The following UBE4B variants were observed in gnomAD, a reference collection of about 807,000 sequenced individuals.
UBE4B encodes ubiquitin conjugation factor E4 B.
Under a neutral mutation model 148.1 loss-of-function variants are expected in UBE4B, and 27 were observed. That is an observed-to-expected ratio of 0.18 (90% CI 0.13 to 0.25). The LOEUF (loss-of-function observed/expected upper bound fraction) is 0.25. Ranked by LOEUF, UBE4B falls within the 10% of genes least tolerant of loss-of-function variation. UBE4B has a pLI of 1.00. For missense variants in UBE4B, 1,170 were observed against 1,662.4 expected, an observed-to-expected ratio of 0.70 and a Z score of 5.15; for synonymous variants, 596 against 619.3, an observed-to-expected ratio of 0.96 and a Z score of 0.56.
chr1:10,129,573 G>C (rs998723402), intron 12 of UBE4B, 125 bp downstream of exon 12: 1 of 827,706 alleles, frequency 1.2e-6, no homozygotes, highest in Non-Finnish European at 1.9e-6. Context: ...CGGAGGTAAC[G>C]TGTCTGGGAG....
chr1:10,066,097 C>T (rs1644383392), intron 1 of UBE4B, among the ~76,000 whole-genome samples: 2 of 147,622 alleles, frequency 1.4e-5, no homozygotes, highest in African/African-American at 2.5e-5. Flanking sequence ...ACCTCCCTCC[C>T]TTTGTACCTC....
Position 10,180,436 on chromosome 1 carries a change from C to A in UBE4B, c.*480C>A, listed in dbSNP as rs1646489474. ...TGGATTTTTTTAAGAGAAGCAAAAA[C>A]AAAAGTAAACTCCTTTCCCTGGCCC... On this transcript the variant is annotated 3_prime_UTR_variant, in exon 28 of 28. Coordinates refer to ENST00000343090, the MANE Select transcript of UBE4B (RefSeq NM_001105562.3). 1 of 154,622 alleles carries A rather than the reference C, an allele frequency of 6.5e-6. No individual in the cohort carries two copies. Among genetic ancestry groups the A allele is most frequent in the African/African-American group, 2.4e-5 (1 of 41,448 alleles). The allele number at this position is 154,622 out of a possible 1,614,324, so 9.6% of individuals were successfully genotyped here.
chr1:10,048,184 A>C (rs1389332132), intron 1 of UBE4B, among the ~76,000 whole-genome samples: 1 of 152,192 alleles, frequency 6.6e-6, no homozygotes, highest in Non-Finnish European at 1.5e-5. Context: ...CTTTTCTACC[A>C]CAGGGATACC....
chr1:10,149,130 G>T, intron 19 of UBE4B, 54 bp from the exon 20 acceptor site: 4 of 1,316,024 alleles, frequency 3.0e-6, no homozygotes, highest in South Asian at 1.4e-5. Flanking sequence ...ACTCCTTGTA[G>T]TTTGATGTAC....
Position 10,077,934 on chromosome 1 carries a change from C to T in UBE4B, c.211+5720C>T, listed in dbSNP as rs989370187. Among the ~76,000 whole-genome samples, 3 of 151,852 alleles carry T rather than the reference C, an allele frequency of 2.0e-5. No homozygotes were observed. The South Asian group carries it at 6.2e-4, about 31-fold the overall frequency. On this transcript the variant is annotated intron_variant, in intron 2 of 27. Coordinates refer to ENST00000343090, the MANE Select transcript of UBE4B (RefSeq NM_001105562.3). ...TTGTTATGTGGCACTGCTCTTGGCT[C>T]TCTTAGAACTTTATATATATGGGTG...
At chr1:10,097,433 C>T (rs1011676338) in intron 3 of UBE4B, among the ~76,000 whole-genome samples, 4 of 152,112 alleles carry the variant, frequency 2.6e-5, no homozygotes, top group Admixed American at 2.0e-4. Flanking sequence ...TCCTTCTGCT[C>T]ACTCTTATTC....
At chr1:10,055,509 G>A (rs574410608) in intron 1 of UBE4B, among the ~76,000 whole-genome samples, 1 of 151,952 alleles carries the variant, frequency 6.6e-6, no homozygotes, top group South Asian at 2.1e-4. Flanking sequence ...GTAGCGATGG[G>A]GTCTCGTTAT....
At chr1:10,128,138 G>A (rs1052164321) in intron 11 of UBE4B, among the ~76,000 whole-genome samples, 6 of 152,200 alleles carry the variant, frequency 3.9e-5, no homozygotes, top group African/African-American at 7.2e-5. Flanking sequence ...AAATATTTTA[G>A]TGAACACTAA....
intron 1 of UBE4B, among the ~76,000 whole-genome samples, chr1:10,035,461 ATC>A: frequency 8.5e-6 from 1 of 118,176 alleles, no homozygotes; most frequent in Non-Finnish European, 1.6e-5. Flanking sequence ...CAGTGGCGCT[ATC>A]TCAGCTCACT....
At chr1:10,038,452 A>G (rs1244700736) in intron 1 of UBE4B, among the ~76,000 whole-genome samples, 1 of 152,128 alleles carries the variant, frequency 6.6e-6, no homozygotes, top group African/African-American at 2.4e-5. Context: ...CTCATTAGAG[A>G]AAACATTATA....
chr1:10,078,062 T>C (rs943007262), intron 2 of UBE4B, among the ~76,000 whole-genome samples: 1 of 152,062 alleles, frequency 6.6e-6, no homozygotes, highest in Non-Finnish European at 1.5e-5. Context: ...CAATCTGGAA[T>C]GCAGTGGCAC....
chr1:10,078,963 C>T (rs1335609476), intron 2 of UBE4B, among the ~76,000 whole-genome samples: 6 of 152,044 alleles, frequency 3.9e-5, no homozygotes, highest in Middle Eastern at 6.8e-3. Context: ...ACTACAGGTG[C>T]GCGCCACCAT....
chr1:10,056,836 T>A (rs777705951), intron 1 of UBE4B, among the ~76,000 whole-genome samples: 2 of 152,200 alleles, frequency 1.3e-5, no homozygotes, highest in Non-Finnish European at 2.9e-5. Context: ...GCTTCATTCA[T>A]TTATTCATGA....
chr1:10,116,403 A>T (rs192292912), intron 7 of UBE4B, among the ~76,000 whole-genome samples: 24 of 152,256 alleles, frequency 1.6e-4, no homozygotes, highest in Non-Finnish European at 2.9e-4. Context: ...TTGGTGTACG[A>T]AAGTGCTGGG....
chr1:10,134,342 C>T (rs1645643017), intron 15 of UBE4B, among the ~76,000 whole-genome samples: 1 of 151,782 alleles, frequency 6.6e-6, no homozygotes, highest in Non-Finnish European at 1.5e-5. Context: ...GAAACCCCAT[C>T]TCTACTAAAA....
At chr1:10,141,233 T>G (rs1645777820) in intron 17 of UBE4B, among the ~76,000 whole-genome samples, 1 of 152,176 alleles carries the variant, frequency 6.6e-6, no homozygotes, top group Non-Finnish European at 1.5e-5. Context: ...AAAGGGACTT[T>G]GCAGCTGTGA....
chr1:10,157,469 C>T (rs908598965), intron 21 of UBE4B, among the ~76,000 whole-genome samples: 34 of 152,064 alleles, frequency 2.2e-4, no homozygotes, highest in Non-Finnish European at 4.6e-4. Context: ...CAGGGCAAGA[C>T]CCTGTCTCCA....
chr1:10,091,564 CCT>C lies in UBE4B; in HGVS notation c.212-3893_212-3892del, dbSNP rs374911454. ...GGCTCAAGCAATCCTTCCACCTCAC[CCT>C]CTCAAGTAGCTAAGATTACAGGTGC... On this transcript the variant is annotated intron_variant, in intron 2 of 27. Coordinates refer to ENST00000343090, the MANE Select transcript of UBE4B (RefSeq NM_001105562.3). 5.8e-3 allele frequency among the ~76,000 whole-genome samples: 889 copies of C among 152,108 alleles called. 23 individuals are homozygous for C. In the South Asian group the frequency reaches 0.062, roughly 11 times the overall value.
intron 15 of UBE4B, among the ~76,000 whole-genome samples, chr1:10,133,171 G>C (rs1369915644): frequency 6.6e-6 from 1 of 152,196 alleles, no homozygotes; most frequent in Non-Finnish European, 1.5e-5. Flanking sequence ...CAGCTGCTTT[G>C]CCAGAGGAGA....
Sources: gnomAD v4.1 joint callset for allele counts (sites outside exome capture counted in the v4.1 genomes callset) on GRCh38, gnomAD v4.1.1 for gene constraint, MANE v1.5 for transcripts, NCBI Gene and HGNC (gene_info 2026-07-23, HGNC 2026-07-21) for gene names.